The following MERTK variants were observed in gnomAD, a reference collection of about 807,000 sequenced individuals.
The protein encoded by MERTK is tyrosine-protein kinase Mer.
A neutral mutation model predicts 99.3 loss-of-function variants in MERTK; 69 were observed. The observed-to-expected ratio is 0.70, with a 90% confidence interval of 0.57 to 0.85. The LOEUF is 0.85. Ranked by LOEUF, MERTK falls within the 40% of genes least tolerant of loss-of-function variation. The probability of loss-of-function intolerance (pLI) is 0.00; values close to 1 mark genes in which losing one functional copy is unlikely to be tolerated. For missense variants in MERTK, 1,125 were observed against 1,249.4 expected, an observed-to-expected ratio of 0.90 and a Z score of 1.50; for synonymous variants, 426 against 467.6, an observed-to-expected ratio of 0.91 and a Z score of 1.15.
At chr2:112,003,000 TTTTATTATACAGGAC>T in intron 11 of MERTK, 77 bp from the exon 12 acceptor site, 1 of 718,562 alleles carries the variant, frequency 1.4e-6, no homozygotes, top group Non-Finnish European at 2.6e-6. Context: ...ATAAGGAATG[TTTTATTATACAGGAC>T]TTTATTTCAT....
chr2:111,903,816 C>T (rs1022031561), intron 1 of MERTK, among the ~76,000 whole-genome samples: 6 of 152,096 alleles, frequency 3.9e-5, no homozygotes, highest in African/African-American at 7.2e-5. Flanking sequence ...GTTAGGAGGA[C>T]GTAATGAGCT....
At chr2:111,910,331 A>G (rs552197434) in intron 1 of MERTK, among the ~76,000 whole-genome samples, 21 of 150,942 alleles carry the variant, frequency 1.4e-4, no homozygotes, top group African/African-American at 4.4e-4. Context: ...ATGCAGTGGC[A>G]TGATCTCAGC....
At chr2:111,933,408 C>A (rs889227005) in intron 2 of MERTK, among the ~76,000 whole-genome samples, 1 of 152,140 alleles carries the variant, frequency 6.6e-6, no homozygotes, top group African/African-American at 2.4e-5. Context: ...TTGCCATTAG[C>A]GACATCTATG....
At chr2:112,003,813 C>T in intron 12 of MERTK, 91 bp from the exon 13 acceptor site, 1 of 1,199,890 alleles carries the variant, frequency 8.3e-7, no homozygotes, top group South Asian at 1.2e-5. Context: ...GCTCTCATAC[C>T]ACATGAAACC....
In MERTK at chr2:111,931,313, C is replaced by T. The variant is rs1313952461; in HGVS notation, c.482+1773C>T. Among the ~76,000 whole-genome samples the T allele has an allele frequency of 2.0e-5, 3 of 152,198 alleles. No individual in the cohort carries two copies. The South Asian group carries it at 6.2e-4, about 31-fold the overall frequency. ...CTGGCTGAGTCTCTCGGCAGCCGTT[C>T]TCAGCCAGTGGCTAAGACTGCTTAG... is the stretch of plus-strand genomic sequence containing the variant. On this transcript the variant is annotated intron_variant, in intron 2 of 18. Transcript: ENST00000295408.
rs927436616 is a variant in MERTK at position 111,958,526 on chromosome 2, C to T, written c.758-6665C>T. 3.9e-5 allele frequency among the ~76,000 whole-genome samples: 6 copies of T among 152,200 alleles called. No individual in the cohort carries two copies. The East Asian group carries it at 1.2e-3, about 29-fold the overall frequency. On this transcript the variant is annotated intron_variant, in intron 4 of 18. Coordinates refer to ENST00000295408, the MANE Select transcript of MERTK (RefSeq NM_006343.3). ...GGTTTGAACTAGTTTCCTCTTCTCT[C>T]TACTGGTATCTCTTTGGCCTATGGG...
At chr2:111,926,121 G>A (rs1268814532) in intron 1 of MERTK, among the ~76,000 whole-genome samples, 1 of 152,068 alleles carries the variant, frequency 6.6e-6, no homozygotes, top group Admixed American at 6.5e-5. Flanking sequence ...GTGAGCCACT[G>A]CGCCCAGCCC....
chr2:111,975,020 AATC>A (rs1676215305), intron 6 of MERTK, among the ~76,000 whole-genome samples: 1 of 152,166 alleles, frequency 6.6e-6, no homozygotes, highest in Non-Finnish European at 1.5e-5. Context: ...TATGAATTCT[AATC>A]ATCATAATTA....
chr2:111,961,940 C>T (rs1685259232), intron 4 of MERTK, among the ~76,000 whole-genome samples: 1 of 152,210 alleles, frequency 6.6e-6, no homozygotes, highest in Non-Finnish European at 1.5e-5. Context: ...TGCTGTGCTT[C>T]CCTCAGCAAG....
At chr2:112,003,711 G>A (rs777814336) in intron 12 of MERTK, among the ~76,000 whole-genome samples, 193 bp from the exon 13 acceptor site, 7 of 152,272 alleles carry the variant, frequency 4.6e-5, no homozygotes, top group Non-Finnish European at 7.4e-5. Context: ...ACCCAAGCTC[G>A]TGACAAGCAG....
intron 6 of MERTK, among the ~76,000 whole-genome samples, chr2:111,969,983 G>T (rs918550358): frequency 1.7e-4 from 26 of 151,918 alleles, no homozygotes; most frequent in African/African-American, 5.8e-4. Flanking sequence ...GAGCCACCGC[G>T]CCCTGCCCAG....
At chr2:112,022,560 C>A in intron 18 of MERTK, 166 bp downstream of exon 18, 1 of 1,018,920 alleles carries the variant, frequency 9.8e-7, no homozygotes, top group Middle Eastern at 2.0e-4. Context: ...GGAGCCATTC[C>A]TGATGTGGGA....
chr2:111,980,240 T>C (rs1228672342), intron 7 of MERTK, among the ~76,000 whole-genome samples: 1 of 152,082 alleles, frequency 6.6e-6, no homozygotes, highest in Non-Finnish European at 1.5e-5. Flanking sequence ...AACTTTCACT[T>C]ATTTTCCCAG....
chr2:111,949,241 C>T (rs1167143284), intron 4 of MERTK, among the ~76,000 whole-genome samples: 2 of 152,068 alleles, frequency 1.3e-5, no homozygotes, highest in Non-Finnish European at 2.9e-5. Flanking sequence ...CATTGGGTCT[C>T]CTTGTCTAGC....
chr2:112,026,055 CTTAT>C (rs1160542659), intron 18 of MERTK: 6 of 153,926 alleles, frequency 3.9e-5, no homozygotes, highest in African/African-American at 1.4e-4. Context: ...AATTACCAAA[CTTAT>C]TTTTCTTTCC....
intron 1 of MERTK, among the ~76,000 whole-genome samples, chr2:111,922,493 A>G (rs1030367860): frequency 6.6e-6 from 1 of 152,136 alleles, no homozygotes; most frequent in Non-Finnish European, 1.5e-5. Context: ...TTCCCCATGC[A>G]TTGTCCAAGG....
chr2:111,984,544 G>A (rs924096894), intron 8 of MERTK, among the ~76,000 whole-genome samples: 1 of 152,128 alleles, frequency 6.6e-6, no homozygotes, highest in Non-Finnish European at 1.5e-5. Context: ...TTGTGAGAGC[G>A]AGGTGTGAGA....
chr2:111,987,992 T>C (rs1198718646), intron 8 of MERTK, among the ~76,000 whole-genome samples: 1 of 23,138 alleles, frequency 4.3e-5, no homozygotes, highest in Non-Finnish European at 1.0e-4. Flanking sequence ...GAACTAACTT[T>C]TTTTTTTTTT....
intron 1 of MERTK, among the ~76,000 whole-genome samples, chr2:111,915,863 CTA>C (rs1684341392): frequency 6.6e-6 from 1 of 152,132 alleles, no homozygotes; most frequent in Admixed American, 6.5e-5. Context: ...CTATTGCACT[CTA>C]GCCTGGGCAA....
Sources: gnomAD v4.1 joint callset for allele counts (sites outside exome capture counted in the v4.1 genomes callset) on GRCh38, gnomAD v4.1.1 for gene constraint, MANE v1.5 for transcripts, NCBI Gene and HGNC (gene_info 2026-07-23, HGNC 2026-07-21) for gene names.